SLF2: variants seen among roughly 807,000 people sequenced by gnomAD.
The protein encoded by SLF2 is SMC5/6 complex localization factor 2, also known as SMC5-SMC6 complex localization factor protein 2.
SLF2 carries 68 observed loss-of-function variants against 124.3 expected under a neutral mutation model. The ratio of observed to expected loss-of-function variants is 0.55; its 90% CI spans 0.45 to 0.67. SLF2 has a LOEUF of 0.67. SLF2 is among the 30% of genes least tolerant of loss of function. The pLI is 0.00. For synonymous variants in SLF2, 480 were observed against 478.8 expected (o/e 1.00, Z -0.03); for missense variants, 1,246 against 1,373.7 (o/e 0.91, Z 1.47).
intron 18 of SLF2, 86 bp from the exon 19 acceptor site, chr10:100,959,342 C>A: frequency 8.0e-7 from 1 of 1,254,612 alleles, no homozygotes; most frequent in Non-Finnish European, 1.1e-6. Flanking sequence ...CCTGTTGCAG[C>A]TGTCAGATAT....
intron 6 of SLF2, among the ~76,000 whole-genome samples, chr10:100,927,525 A>G (rs2133774667): frequency 6.6e-6 from 1 of 152,268 alleles, no homozygotes; most frequent in South Asian, 2.1e-4. Flanking sequence ...CTTTTTGGCT[A>G]CTGTGAATAA....
chr10:100,919,773 G>A (rs1194938893), intron 4 of SLF2, among the ~76,000 whole-genome samples: 1 of 152,154 alleles, frequency 6.6e-6, no homozygotes, highest in Non-Finnish European at 1.5e-5. Flanking sequence ...TACTTACTGT[G>A]TGCTATGCCA....
chr10:100,926,219 A>G, intron 6 of SLF2, 200 bp downstream of exon 6: 1 of 1,540,836 alleles, frequency 6.5e-7, no homozygotes, highest in Non-Finnish European at 8.7e-7. Context: ...GACCCAGGCA[A>G]GATTACTTGA....
intron 17 of SLF2, among the ~76,000 whole-genome samples, chr10:100,955,717 G>A (rs1039986452): frequency 1.3e-5 from 2 of 152,104 alleles, no homozygotes; most frequent in African/African-American, 2.4e-5. Context: ...AGACTAGCCT[G>A]GCCAACGTGG....
At chr10:100,955,319 T>C (rs1477508754) in intron 17 of SLF2, among the ~76,000 whole-genome samples, 2 of 152,002 alleles carry the variant, frequency 1.3e-5, no homozygotes, top group African/African-American at 4.8e-5. Context: ...AAGAGGGGCA[T>C]GATAGTGGTC....
chr10:100,924,418 CTACCTT>C lies in SLF2; in HGVS notation c.1421_1426del (p.Pro474_Leu475del), dbSNP rs763247479. ...CACGACAAAGGAGAAGGAGACAAAA[CTACCTT>C]TACTTTCCCGTGTTCCAAGTGCTGG... On this transcript the variant is annotated inframe_deletion, in exon 5 of 20. Coordinates refer to ENST00000238961, the MANE Select transcript of SLF2 (RefSeq NM_018121.4). 1.2e-6 allele frequency: 2 copies of C among 1,614,154 alleles called. No individual in the cohort carries two copies. Among genetic ancestry groups the C allele is most frequent in the Non-Finnish European group, 1.7e-6 (2 of 1,180,034 alleles).
chr10:100,938,231 GT>G (rs1467713117), intron 10 of SLF2, among the ~76,000 whole-genome samples: 1 of 152,162 alleles, frequency 6.6e-6, no homozygotes, highest in Non-Finnish European at 1.5e-5. Context: ...TGGTTTACCT[GT>G]TTCATCTGTC....
At chr10:100,927,839 G>A (rs1195867800) in intron 6 of SLF2, among the ~76,000 whole-genome samples, 1 of 151,990 alleles carries the variant, frequency 6.6e-6, no homozygotes, top group Non-Finnish European at 1.5e-5. Context: ...CTTCCCTAAT[G>A]ACTAATGATG....
intron 12 of SLF2, among the ~76,000 whole-genome samples, chr10:100,944,485 AC>A: frequency 8.7e-6 from 1 of 115,502 alleles, no homozygotes; most frequent in South Asian, 3.2e-4. Flanking sequence ...ACAGAGCAAG[AC>A]TCTGTCTCAA....
intron 11 of SLF2, among the ~76,000 whole-genome samples, chr10:100,941,097 C>T (rs1398103723): frequency 6.6e-6 from 1 of 151,982 alleles, no homozygotes; most frequent in South Asian, 2.1e-4. Context: ...ACCTTGGCCT[C>T]CCAAAGTGCT....
At chr10:100,918,706 C>T (rs1849467694) in intron 4 of SLF2, among the ~76,000 whole-genome samples, 1 of 152,128 alleles carries the variant, frequency 6.6e-6, no homozygotes, top group Non-Finnish European at 1.5e-5. Flanking sequence ...AACTGCAAGC[C>T]TTGACCTCCT....
At chr10:100,952,449 A>G (rs779526485) in intron 17 of SLF2, among the ~76,000 whole-genome samples, 9 of 151,598 alleles carry the variant, frequency 5.9e-5, no homozygotes, top group Non-Finnish European at 1.3e-4. Context: ...CTGGAGGCTG[A>G]AGCAGGAGAA....
At chr10:100,932,708 T>G in intron 9 of SLF2, among the ~76,000 whole-genome samples, 1 of 84,924 alleles carries the variant, frequency 1.2e-5, no homozygotes, top group East Asian at 2.7e-4. Context: ...TGTGTGTGTG[T>G]GTGTGTGTGT....
At chr10:100,939,137 ATAAC>A (rs1378296623) in intron 11 of SLF2, among the ~76,000 whole-genome samples, 1 of 152,248 alleles carries the variant, frequency 6.6e-6, no homozygotes, top group African/African-American at 2.4e-5. Context: ...ACTATGACAA[ATAAC>A]TAAGAAAATT....
At chr10:100,937,933 G>A (rs1283186599) in intron 10 of SLF2, among the ~76,000 whole-genome samples, 12 of 152,072 alleles carry the variant, frequency 7.9e-5, no homozygotes, top group Non-Finnish European at 1.5e-4. Context: ...ATAATGAAAT[G>A]GAACTTCAGT....
At chr10:100,950,462 G>A (rs1237158662) in intron 16 of SLF2, among the ~76,000 whole-genome samples, 1 of 152,134 alleles carries the variant, frequency 6.6e-6, no homozygotes, top group East Asian at 1.9e-4. Flanking sequence ...CCCTTTATTA[G>A]GGCAGTCGTG....
intron 1 of SLF2, among the ~76,000 whole-genome samples, chr10:100,914,552 C>CA (rs1300926329): frequency 1.3e-5 from 2 of 152,116 alleles, no homozygotes; most frequent in African/African-American, 4.8e-5. Context: ...TTGTGTGCAA[C>CA]AAATGAGCTG....
At chr10:100,936,307 G>A (rs1374766573) in intron 9 of SLF2, among the ~76,000 whole-genome samples, 1 of 136,214 alleles carries the variant, frequency 7.3e-6, no homozygotes, top group Non-Finnish European at 1.6e-5. Flanking sequence ...AAGTCAATCA[G>A]TGATATCTTT....
At position 100,924,952 on chromosome 10, in the gene SLF2, T is replaced by A; in HGVS notation, c.1951T>A (p.Ser651Thr). The change falls in exon 5 of 20, where the codon TCT becomes ACT. Residue 651 changes from serine to threonine, a missense_variant. By Grantham distance (58) the Ser-to-Thr change is moderately conservative. Around this residue, in one of 3 missense-constraint regions of SLF2, gnomAD observed 535 missense variants for 632.8 expected, o/e 0.85. Transcript: ENST00000238961. ...TCCTGCTCTTTCCAAGGGGCTTAGA[T>A]CTCAGTCATCAGACTATACAGTAAG... ...KPPALSKGLR[S>T]QSSDYTGHVH... 2 of 1,613,302 alleles carry A rather than the reference T, an allele frequency of 1.2e-6. No homozygotes were observed. The highest frequency in any genetic ancestry group is 2.2e-5 in the South Asian group (2 of 91,072).
Sources: gnomAD v4.1 joint callset for allele counts (sites outside exome capture counted in the v4.1 genomes callset) on GRCh38, gnomAD v4.1.1 for gene constraint, gnomAD v4.1.1 regional missense constraint, MANE v1.5 for transcripts, NCBI Gene and HGNC (gene_info 2026-07-23, HGNC 2026-07-21) for gene names.